The following ANTXR1 variants were observed in gnomAD, a reference collection of about 807,000 sequenced individuals.
The protein encoded by ANTXR1 is ANTXR cell adhesion molecule 1.
In ANTXR1, 19 loss-of-function variants were observed where a neutral mutation model predicts 78.1. That is an observed-to-expected ratio of 0.24 (90% CI 0.17 to 0.36). ANTXR1 has a LOEUF of 0.36. Ranked by LOEUF, ANTXR1 falls within the 10% of genes least tolerant of loss-of-function variation. ANTXR1 has a pLI of 1.00. For synonymous variants in ANTXR1, 273 were observed against 260.5 expected (o/e 1.05, Z -0.46); for missense variants, 518 against 718.6 (o/e 0.72, Z 3.19).
intron 12 of ANTXR1, among the ~76,000 whole-genome samples, chr2:69,147,944 T>C (rs1290503895): frequency 6.6e-6 from 1 of 152,172 alleles, no homozygotes; most frequent in Non-Finnish European, 1.5e-5. Context: ...AAGTTAGCAT[T>C]GGACACAGCC....
chr2:69,029,000 T>C (rs1671438861), intron 1 of ANTXR1, among the ~76,000 whole-genome samples: 1 of 151,924 alleles, frequency 6.6e-6, no homozygotes, highest in Non-Finnish European at 1.5e-5. Flanking sequence ...GCAGATTACT[T>C]GAGGTCAGGA....
intron 13 of ANTXR1, among the ~76,000 whole-genome samples, chr2:69,154,106 G>A (rs965828926): frequency 1.3e-5 from 2 of 152,144 alleles, no homozygotes; most frequent in East Asian, 1.9e-4. Context: ...CTTTGGAAAT[G>A]TTTCTCAAAA....
At chr2:69,231,553 C>T (rs1362519594) in intron 17 of ANTXR1, among the ~76,000 whole-genome samples, 2 of 152,208 alleles carry the variant, frequency 1.3e-5, no homozygotes, top group Admixed American at 6.5e-5. Context: ...ATCCAAAAAC[C>T]TAATGACTTA....
chr2:69,188,539 C>G (rs2104470722), intron 16 of ANTXR1, among the ~76,000 whole-genome samples: 1 of 152,346 alleles, frequency 6.6e-6, no homozygotes, highest in Middle Eastern at 3.4e-3. Flanking sequence ...GGCTAAGATA[C>G]AGTTTGGGAG....
chr2:69,114,652 A>G (rs1672085296), intron 10 of ANTXR1, among the ~76,000 whole-genome samples: 1 of 152,068 alleles, frequency 6.6e-6, no homozygotes, highest in African/African-American at 2.4e-5. Flanking sequence ...ACCCCCATCC[A>G]TGTCATGTCA....
intron 8 of ANTXR1, among the ~76,000 whole-genome samples, chr2:69,082,254 G>A (rs1380300705): frequency 2.0e-5 from 3 of 152,294 alleles, no homozygotes; most frequent in South Asian, 2.1e-4. Context: ...CCATCGTCCT[G>A]AGAAGCTGGA....
At chr2:69,193,141 T>C (rs777117699) in intron 16 of ANTXR1, among the ~76,000 whole-genome samples, 194 bp from the exon 17 acceptor site, 1 of 152,180 alleles carries the variant, frequency 6.6e-6, no homozygotes, top group Non-Finnish European at 1.5e-5. Flanking sequence ...CTCCTGTGTG[T>C]CTCTTCTTCT....
At chr2:69,160,946 G>A (rs541516598) in intron 13 of ANTXR1, among the ~76,000 whole-genome samples, 1 of 152,320 alleles carries the variant, frequency 6.6e-6, no homozygotes, top group South Asian at 2.1e-4. Flanking sequence ...TGGATCCTAA[G>A]ATGCAGCCTC....
intron 5 of ANTXR1, 137 bp from the exon 6 acceptor site, chr2:69,072,885 C>A: frequency 2.3e-6 from 2 of 870,766 alleles, no homozygotes; most frequent in African/African-American, 1.6e-5. Flanking sequence ...TGCTTCCAGG[C>A]CCAAAAGAAA....
chr2:69,110,655 T>C (rs1026311141), intron 10 of ANTXR1, among the ~76,000 whole-genome samples: 1 of 151,978 alleles, frequency 6.6e-6, no homozygotes, highest in Non-Finnish European at 1.5e-5. Context: ...TCTCCGGAGA[T>C]GGAGACCATC....
In ANTXR1 at chr2:69,182,569, C is replaced by T. The variant is rs759011626; in HGVS notation, c.1262C>T (p.Pro421Leu). Residue 421 changes from proline to leucine, a missense_variant, in exon 16 of 18, where the codon CCG becomes CTG. Pro to Leu is a moderately conservative substitution (Grantham distance 98, BLOSUM62 -3). Transcript: ENST00000303714. The stretch of plus-strand genomic sequence containing the variant: ...GCAAAGAATGCAAGAGTCAAGATGC[C>T]GGAGCAGGAATATGAATTCCCTGAG... ...EKAKNARVKM[P>L]EQEYEFPEPR... 9.3e-6 allele frequency: 15 copies of T among 1,614,084 alleles called. No homozygotes were observed. The highest frequency in any genetic ancestry group is 1.1e-5 in the Non-Finnish European group (13 of 1,180,028).
chr2:69,221,625 C>G (rs1465581397), intron 17 of ANTXR1, among the ~76,000 whole-genome samples: 2 of 146,532 alleles, frequency 1.4e-5, no homozygotes, highest in African/African-American at 5.1e-5. Flanking sequence ...ACAGAACAAC[C>G]AGAGAGAGAC....
At chr2:69,225,776 G>T (rs554026863) in intron 17 of ANTXR1, among the ~76,000 whole-genome samples, 1 of 152,146 alleles carries the variant, frequency 6.6e-6, no homozygotes, top group Non-Finnish European at 1.5e-5. Flanking sequence ...TCTTCAGGGA[G>T]CTTATGGATT....
At chr2:69,031,003 C>T (rs752309885) in intron 1 of ANTXR1, among the ~76,000 whole-genome samples, 4 of 152,224 alleles carry the variant, frequency 2.6e-5, no homozygotes, top group Middle Eastern at 3.4e-3. Context: ...TATTGTAGTA[C>T]GGCCACATTC....
At chr2:69,034,672 A>T (rs1391416605) in intron 1 of ANTXR1, among the ~76,000 whole-genome samples, 4 of 152,198 alleles carry the variant, frequency 2.6e-5, no homozygotes, top group Non-Finnish European at 5.9e-5. Flanking sequence ...CAGTTCTGGA[A>T]AAAAAATCTA....
intron 10 of ANTXR1, among the ~76,000 whole-genome samples, chr2:69,120,554 G>A (rs1039278068): frequency 2.0e-5 from 3 of 152,110 alleles, no homozygotes; most frequent in Non-Finnish European, 4.4e-5. Flanking sequence ...TATAATCCCA[G>A]CTACTTGGGA....
rs200650024 is a variant in ANTXR1, at chr2:69,044,819, G to A, written c.296+6G>A. 7.6e-5 allele frequency: 122 copies of A among 1,613,400 alleles called. No individual in the cohort carries two copies. Among genetic ancestry groups the A allele is most frequent in the Middle Eastern group, 3.3e-4 (2 of 6,056 alleles). ...ATGAAACTGACAGAAGACAGGTAAG[G>A]ATACTTCTTATCTCTGTTGTTAAAA... is the stretch of plus-strand genomic sequence containing the variant. On this transcript the variant is annotated splice_donor_region_variant and intron_variant, in intron 3 of 17. Transcript: ENST00000303714.
At chr2:69,231,283 TTA>T (rs1675590523) in intron 17 of ANTXR1, among the ~76,000 whole-genome samples, 1 of 152,126 alleles carries the variant, frequency 6.6e-6, no homozygotes, top group Admixed American at 6.5e-5. Context: ...ACCTTTGGGG[TTA>T]TATCTTTCTG....
intron 3 of ANTXR1, among the ~76,000 whole-genome samples, chr2:69,049,385 A>C (rs1171325230): frequency 6.6e-6 from 1 of 152,052 alleles, no homozygotes; most frequent in African/African-American, 2.4e-5. Flanking sequence ...AACTCAGCTC[A>C]CTGCAACCTC....
Sources: gnomAD v4.1 joint callset for allele counts (sites outside exome capture counted in the v4.1 genomes callset) on GRCh38, gnomAD v4.1.1 for gene constraint, MANE v1.5 for transcripts, NCBI Gene and HGNC (gene_info 2026-07-23, HGNC 2026-07-21) for gene names.